Variants in ZMYND11 observed in about 807,000 individuals in gnomAD.
ZMYND11 encodes zinc finger MYND-type containing 11.
Under a neutral mutation model 84.9 loss-of-function variants are expected in ZMYND11, and 9 were observed. That is an observed-to-expected ratio of 0.11 (90% confidence interval 0.06 to 0.18). ZMYND11 has a LOEUF of 0.18. Among genes scored for constraint, ZMYND11 ranks in the 10% least tolerant of loss-of-function variants. ZMYND11 has a pLI of 1.00. For synonymous variants in ZMYND11, 250 were observed against 244.1 expected (o/e 1.02, Z -0.23); for missense variants, 409 against 761.0 (o/e 0.54, Z 5.44).
At chr10:176,120 T>G (rs1846565397) in intron 1 of ZMYND11, among the ~76,000 whole-genome samples, 1 of 152,164 alleles carries the variant, frequency 6.6e-6, no homozygotes, top group African/African-American at 2.4e-5. Context: ...TATTCTCCCT[T>G]TTGCCCTCAC....
intron 4 of ZMYND11, among the ~76,000 whole-genome samples, chr10:228,692 G>A (rs183254604): frequency 6.5e-4 from 99 of 152,288 alleles, no homozygotes; most frequent in Non-Finnish European, 1.2e-3. Context: ...GCTGAAGAAC[G>A]CATTCTGCCT....
intron 1 of ZMYND11, among the ~76,000 whole-genome samples, chr10:162,900 T>A (rs534906395): frequency 5.9e-5 from 9 of 152,306 alleles, no homozygotes; most frequent in Non-Finnish European, 1.2e-4. Context: ...TAATGGTGAC[T>A]GGACTTTTTT....
chr10:195,665 T>C (rs1472558730), intron 2 of ZMYND11, among the ~76,000 whole-genome samples: 3 of 152,130 alleles, frequency 2.0e-5, no homozygotes, highest in African/African-American at 7.2e-5. Flanking sequence ...TAGGGGCCAA[T>C]AGCGTGAAGA....
rs1229750446 is a variant in ZMYND11 at position 208,441 on chromosome 10, T to C, written c.117-1448T>C. On this transcript the variant is annotated intron_variant, in intron 2 of 14. Transcript: ENST00000381604. The stretch of plus-strand genomic sequence containing the variant: ...AATCTACAGTGAACTCAAACAAATT[T>C]ACAAGAAAAAAACAAATAACCCCAA... Among the ~76,000 whole-genome samples the C allele has an allele frequency of 5.9e-5, 9 of 152,102 alleles. No individual in the cohort carries two copies. The South Asian group carries it at 8.3e-4, about 14-fold the overall frequency.
At chr10:241,910 A>G (rs964325820) in intron 9 of ZMYND11, 111 bp from the exon 10 acceptor site, 2 of 1,348,704 alleles carry the variant, frequency 1.5e-6, no homozygotes, top group Admixed American at 2.2e-5. Flanking sequence ...AGGAGTTATG[A>G]AAGAAATATT....
chr10:227,677 A>G (rs1246750097), intron 4 of ZMYND11, among the ~76,000 whole-genome samples: 1 of 152,242 alleles, frequency 6.6e-6, no homozygotes, highest in Non-Finnish European at 1.5e-5. Context: ...GAATGCCCAT[A>G]TAATGTTTAG....
At chr10:202,187 A>G (rs563841858) in intron 2 of ZMYND11, among the ~76,000 whole-genome samples, 433 of 152,328 alleles carry the variant, frequency 2.8e-3, no homozygotes, top group Non-Finnish European at 5.2e-3. Context: ...CTTAAGCCTT[A>G]TCAAATATAT....
rs185481086 is a variant in ZMYND11, at chr10:161,410, G to A, written c.-19-18584G>A. Among the ~76,000 whole-genome samples the A allele has an allele frequency of 1.3e-4, 20 of 152,306 alleles. No homozygotes were observed. In the East Asian group the frequency reaches 2.5e-3, roughly 19 times the overall value. On this transcript the variant is annotated intron_variant, in intron 1 of 14. Transcript: ENST00000381604. ...TAGATATAGCATAATTCTTAAGGGCGCTAGGATTTTCAGAATGGTAAATGA... is the reference window on the plus strand; with the variant it reads ...TAGATATAGCATAATTCTTAAGGGCACTAGGATTTTCAGAATGGTAAATGA...
chr10:244,773 A>C (rs796558355), intron 10 of ZMYND11, among the ~76,000 whole-genome samples: 2 of 152,226 alleles, frequency 1.3e-5, no homozygotes, highest in South Asian at 4.1e-4. Flanking sequence ...TTTTTTGTAG[A>C]TCAGAGAGCA....
At chr10:240,030 T>C (rs1455132188) in intron 7 of ZMYND11, 26 bp from the exon 8 acceptor site, 1 of 1,594,700 alleles carries the variant, frequency 6.3e-7, no homozygotes, top group African/African-American at 1.3e-5. Context: ...CTATTGCTTA[T>C]AGGTAATATC....
chr10:231,283 G>A (rs1474642646), intron 4 of ZMYND11, among the ~76,000 whole-genome samples: 4 of 152,154 alleles, frequency 2.6e-5, no homozygotes, highest in South Asian at 4.1e-4. Context: ...TATTGGGAAC[G>A]CCCAAGAAAG....
At chr10:233,427 C>A (rs78322241) in intron 4 of ZMYND11, among the ~76,000 whole-genome samples, 1 of 152,134 alleles carries the variant, frequency 6.6e-6, no homozygotes, top group East Asian at 1.9e-4. Flanking sequence ...TTGGCCTGTT[C>A]TAGAACTTTT....
In ZMYND11 at chr10:246,810, T is replaced by C. The variant is rs1952251262; in HGVS notation, c.995T>C (p.Ile332Thr). 1.2e-6 allele frequency: 2 copies of C among 1,614,076 alleles called. No individual in the cohort carries two copies. The highest frequency in any genetic ancestry group is 8.5e-7 in the Non-Finnish European group (1 of 1,180,036). ...SENIQDITVNIHRLHVKRSMG... is the reference protein window; with the variant it reads ...SENIQDITVNTHRLHVKRSMG... ...AACATTCAAGATATCACAGTCAACATTCATCGGCTGCACGTGAAGCGCAGT... is the reference window on the plus strand; with the variant it reads ...AACATTCAAGATATCACAGTCAACACTCATCGGCTGCACGTGAAGCGCAGT... The change falls in exon 11 of 15, where the codon ATT becomes ACT. Residue 332 changes from isoleucine (I) to threonine (T), a missense_variant. Ile to Thr is a moderately conservative substitution (Grantham distance 89). Around this residue, in one of 7 missense-constraint regions of ZMYND11, gnomAD observed 48 missense variants for 61.1 expected, o/e 0.79. Coordinates refer to ENST00000381604, the MANE Select transcript of ZMYND11 (RefSeq NM_001370100.5).
At chr10:185,796 C>T (rs1330986430) in intron 2 of ZMYND11, among the ~76,000 whole-genome samples, 1 of 118,288 alleles carries the variant, frequency 8.5e-6, no homozygotes, top group Non-Finnish European at 1.6e-5. Flanking sequence ...GCCTGGTCAA[C>T]GAGTGAAACT....
intron 4 of ZMYND11, among the ~76,000 whole-genome samples, chr10:230,203 G>A (rs2448376): frequency 0.9 from 137,627 of 152,118 alleles, 63,047 homozygotes; most frequent in Non-Finnish European, 0.98. Context: ...TACCGAGCGC[G>A]GTAGCTCACG....
intron 10 of ZMYND11, among the ~76,000 whole-genome samples, chr10:243,709 T>C (rs753560899): frequency 2.0e-5 from 3 of 152,028 alleles, no homozygotes; most frequent in Non-Finnish European, 2.9e-5. Context: ...ACTAAAAATA[T>C]GAAAAATTAG....
intron 2 of ZMYND11, among the ~76,000 whole-genome samples, chr10:196,960 CGT>C (rs1169621455): frequency 6.7e-6 from 1 of 149,908 alleles, no homozygotes; most frequent in Non-Finnish European, 1.5e-5. Flanking sequence ...TTTTAGTTCA[CGT>C]GTGTGCCCAC....
chr10:234,833 A>G (rs1475324253), intron 4 of ZMYND11, among the ~76,000 whole-genome samples: 1 of 152,244 alleles, frequency 6.6e-6, no homozygotes, highest in African/African-American at 2.4e-5. Context: ...GCACCGAAGC[A>G]TGTCCATACT....
intron 1 of ZMYND11, among the ~76,000 whole-genome samples, chr10:141,973 G>A (rs538146434): frequency 8.5e-5 from 13 of 152,186 alleles, no homozygotes; most frequent in Non-Finnish European, 1.6e-4. Flanking sequence ...TTGGTTTATA[G>A]CAAGACAATC....
Sources: allele counts gnomAD v4.1 joint callset (sites outside exome capture counted in the v4.1 genomes callset), GRCh38; gene constraint gnomAD v4.1.1; regional missense constraint gnomAD v4.1.1; transcripts MANE v1.5; gene names NCBI Gene and HGNC (gene_info 2026-07-23, HGNC 2026-07-21).